LYRM4: variants seen among roughly 807,000 people sequenced by gnomAD.
LYRM4 encodes LYR motif-containing protein 4.
In LYRM4, 9 loss-of-function variants were observed where a neutral mutation model predicts 11.7. The observed-to-expected ratio is 0.77, with a 90% CI of 0.46 to 1.34. The LOEUF (loss-of-function observed/expected upper bound fraction) is 1.34. Among genes scored for constraint, LYRM4 ranks in the 40% most tolerant of loss-of-function variants. The pLI is 0.00. For missense variants in LYRM4, 133 were observed against 112.5 expected (o/e 1.18, Z -0.82); for synonymous variants, 42 against 40.4 (o/e 1.04, Z -0.15).
At chr6:5,173,637 GATCA>G (rs1228245712) in intron 2 of LYRM4, among the ~76,000 whole-genome samples, 1 of 152,128 alleles carries the variant, frequency 6.6e-6, no homozygotes, top group Admixed American at 6.5e-5. Context: ...GTACCCCAGT[GATCA>G]ATATTTCATA....
In LYRM4 at chr6:5,108,579, G is replaced by C. The variant is rs1762737393; in HGVS notation, c.*844C>G. 1 of 342,690 alleles carries C rather than the reference G, an allele frequency of 2.9e-6. No individual in the cohort carries two copies. Among genetic ancestry groups the C allele is most frequent in the Admixed American group, 6.5e-5 (1 of 15,464 alleles). 21.2% of individuals were successfully genotyped at this position (342,690 alleles called of 1,614,324 possible). On this transcript the variant is annotated 3_prime_UTR_variant, in exon 3 of 3. Coordinates refer to ENST00000330636, the MANE Select transcript of LYRM4 (RefSeq NM_020408.6). ...AGTCAGAATCTGCAGAGAGGGAAGT[G>C]CTGAGAGATGTCTTTTTAAAAAGCT... is the stretch of plus-strand genomic sequence containing the variant.
chr6:5,099,821 T>C (rs1207529081), downstream of LYRM4, among the ~76,000 whole-genome samples: 7 of 152,204 alleles, frequency 4.6e-5, no homozygotes, highest in African/African-American at 7.2e-5. This position sits in a 1 kb window ranked among gnomAD's most constrained non-coding sequence, Gnocchi z 4.3. Context: ...AGCCTGAGCT[T>C]GGATTTGAAC....
chr6:5,134,435 T>C lies in LYRM4; in HGVS notation c.208-24944A>G, dbSNP rs915162244. Among the ~76,000 whole-genome samples the C allele has an allele frequency of 2.6e-5, 4 of 152,196 alleles. No individual in the cohort carries two copies. The South Asian group carries it at 8.3e-4, about 31-fold the overall frequency. ...GACAGATTACAGACAGATCACCCAG[T>C]TTGAAGATTGGTGATATTTGTGAGA... On this transcript the variant is annotated intron_variant, in intron 2 of 2. Coordinates refer to ENST00000330636, the MANE Select transcript of LYRM4 (RefSeq NM_020408.6).
chr6:5,159,017 G>GA (rs1758588428), intron 2 of LYRM4, among the ~76,000 whole-genome samples: 1 of 152,196 alleles, frequency 6.6e-6, no homozygotes, highest in Admixed American at 6.5e-5. Flanking sequence ...GGCCACATGG[G>GA]GGAGGTGGGA....
intron 2 of LYRM4, among the ~76,000 whole-genome samples, chr6:5,122,606 C>T (rs1360219203): frequency 6.6e-6 from 1 of 152,174 alleles, no homozygotes; most frequent in Non-Finnish European, 1.5e-5. Flanking sequence ...TGCCCCTTCC[C>T]CGTTGGGCTC....
chr6:5,160,707 G>A (rs376316665), intron 2 of LYRM4, among the ~76,000 whole-genome samples: 1 of 151,688 alleles, frequency 6.6e-6, no homozygotes, highest in Admixed American at 6.6e-5. Context: ...TTTCTTAGAA[G>A]TTACTCAGTC....
chr6:5,133,729 C>T (rs1329088585), intron 2 of LYRM4, among the ~76,000 whole-genome samples: 1 of 152,058 alleles, frequency 6.6e-6, no homozygotes, highest in Non-Finnish European at 1.5e-5. Flanking sequence ...TTTTCATCAC[C>T]CCCAAAAGGA....
the LYRM4 span, among the ~76,000 whole-genome samples, chr6:5,092,293 G>C: frequency 6.6e-6 from 1 of 152,118 alleles, no homozygotes; most frequent in Non-Finnish European, 1.5e-5. Flanking sequence ...GACAGCTTTG[G>C]GTAAAGAACC....
At chr6:5,080,076 C>T in the LYRM4 span, among the ~76,000 whole-genome samples, 1 of 152,180 alleles carries the variant, frequency 6.6e-6, no homozygotes, top group African/African-American at 2.4e-5. Flanking sequence ...AGGTCCTCGA[C>T]ATTGAAAAGA....
chr6:5,214,178 A>G (rs1227411767), intron 2 of LYRM4, among the ~76,000 whole-genome samples: 1 of 152,236 alleles, frequency 6.6e-6, no homozygotes, highest in Non-Finnish European at 1.5e-5. Flanking sequence ...GTAGGTACTG[A>G]TAAGTGCTGT....
chr6:5,226,640 T>C (rs1224506474), intron 1 of LYRM4, among the ~76,000 whole-genome samples: 4 of 152,102 alleles, frequency 2.6e-5, no homozygotes. Context: ...GCCTCCCAAA[T>C]TGCTGGAATT....
At chr6:5,201,222 A>C (rs1297196597) in intron 2 of LYRM4, among the ~76,000 whole-genome samples, 2 of 152,070 alleles carry the variant, frequency 1.3e-5, no homozygotes, top group Non-Finnish European at 2.9e-5. Context: ...TTGCCATCAA[A>C]AGAAAAATTC....
intron 2 of LYRM4, among the ~76,000 whole-genome samples, chr6:5,118,925 T>G (rs1763273288): frequency 6.6e-6 from 1 of 152,204 alleles, no homozygotes; most frequent in South Asian, 2.1e-4. Flanking sequence ...AGCATAACAC[T>G]GCTACTTTTA....
the LYRM4 span, among the ~76,000 whole-genome samples, chr6:5,081,145 G>T: frequency 2.3e-4 from 1 of 4,380 alleles, no homozygotes; most frequent in African/African-American, 3.7e-4. Context: ...GGGGGGGGGG[G>T]GGGGGTAGAC....
intron 1 of LYRM4, among the ~76,000 whole-genome samples, chr6:5,217,184 A>G (rs1188790172): frequency 6.6e-6 from 1 of 152,194 alleles, no homozygotes; most frequent in Non-Finnish European, 1.5e-5. Flanking sequence ...CAGAGGTTAC[A>G]TGACGATCGT....
At chr6:5,074,890 A>G in the LYRM4 span, among the ~76,000 whole-genome samples, 1 of 152,050 alleles carries the variant, frequency 6.6e-6, no homozygotes, top group Admixed American at 6.6e-5. Context: ...TGTAATCCCT[A>G]ATGTTGGAGG....
At chr6:5,079,834 T>C in the LYRM4 span, among the ~76,000 whole-genome samples, 2 of 152,204 alleles carry the variant, frequency 1.3e-5, no homozygotes, top group Non-Finnish European at 2.9e-5. Flanking sequence ...ACACCATTTG[T>C]CCTATCTGAT....
chr6:5,260,598 T>TA, intron 1 of LYRM4, 50 bp downstream of exon 1: 26 of 1,105,556 alleles, frequency 2.4e-5, no homozygotes, highest in Non-Finnish European at 3.1e-5. Context: ...GCACCCCCGG[T>TA]CCCCGGCCCC....
At chr6:5,058,151 C>T in the LYRM4 span, among the ~76,000 whole-genome samples, 1 of 152,224 alleles carries the variant, frequency 6.6e-6, no homozygotes, top group East Asian at 1.9e-4. Flanking sequence ...TCTCCTTCTT[C>T]GGGTTCCACC....
Sources: allele counts gnomAD v4.1 joint callset (sites outside exome capture counted in the v4.1 genomes callset), GRCh38; gene constraint gnomAD v4.1.1; non-coding constraint Gnocchi (gnomAD v3.1); transcripts MANE v1.5; gene names NCBI Gene and HGNC (gene_info 2026-07-23, HGNC 2026-07-21).